The following CAMTA1 variants were observed in gnomAD, a reference collection of about 807,000 sequenced individuals.
The protein encoded by CAMTA1 is calmodulin-binding transcription activator 1.
A neutral mutation model predicts 170.9 loss-of-function variants in CAMTA1; 27 were observed. The observed-to-expected ratio is 0.16, with a 90% CI of 0.12 to 0.22. The LOEUF (loss-of-function observed/expected upper bound fraction) is 0.22. CAMTA1 is among the 10% of genes least tolerant of loss of function. CAMTA1 has a pLI of 1.00. For missense variants in CAMTA1, 1,619 were observed against 2,217.2 expected (o/e 0.73, Z 5.42); for synonymous variants, 833 against 891.5 (o/e 0.93, Z 1.17).
chr1:7,240,252 C>G (rs1426583269), intron 4 of CAMTA1, among the ~76,000 whole-genome samples: 3 of 152,068 alleles, frequency 2.0e-5, no homozygotes, highest in Non-Finnish European at 4.4e-5. Flanking sequence ...TCTTTCTCCT[C>G]CTATTTGGTA....
chr1:7,566,418 C>G (rs2095043070), intron 6 of CAMTA1, among the ~76,000 whole-genome samples: 2 of 152,208 alleles, frequency 1.3e-5, no homozygotes, highest in South Asian at 4.1e-4. Flanking sequence ...ATTAAGCACC[C>G]ACCGAGTTGC....
At chr1:7,258,610 G>A (rs1667744047) in intron 5 of CAMTA1, among the ~76,000 whole-genome samples, 1 of 152,208 alleles carries the variant, frequency 6.6e-6, no homozygotes, top group Non-Finnish European at 1.5e-5. Flanking sequence ...AACCGGGCAG[G>A]CATTGGAAGA....
intron 5 of CAMTA1, among the ~76,000 whole-genome samples, chr1:7,453,642 A>C (rs2149473113): frequency 6.6e-6 from 1 of 152,374 alleles, no homozygotes; most frequent in Non-Finnish European, 1.5e-5. Context: ...GGCAGATGGC[A>C]CAAAGGTGGT....
intron 18 of CAMTA1, 64 bp from the exon 19 acceptor site, chr1:7,747,645 TA>T: frequency 1.7e-6 from 2 of 1,166,536 alleles, no homozygotes; most frequent in Non-Finnish European, 2.5e-6. Flanking sequence ...TGAGTAGTAA[TA>T]AAAAGCTGAC....
chr1:7,528,425 G>GT lies in CAMTA1; in HGVS notation c.510+60530dup, dbSNP rs771509677. Reference sequence around the variant, plus strand: ...AAAGTTAACCACAGCTAATATTTTGGTTTTTTAAAAAAAAAAAATCTTTCT... The same window carrying GT: ...AAAGTTAACCACAGCTAATATTTTGGTTTTTTTAAAAAAAAAAAATCTTTCT... On this transcript the variant is annotated intron_variant, in intron 6 of 22. Transcript: ENST00000303635. Among the ~76,000 whole-genome samples the GT allele has an allele frequency of 2.3e-3, 354 of 151,520 alleles. 1 individual carries two copies. Among genetic ancestry groups the GT allele is most frequent in the Non-Finnish European group, 3.9e-3 (267 of 67,842 alleles).
intron 5 of CAMTA1, among the ~76,000 whole-genome samples, chr1:7,418,635 C>T (rs559688900): frequency 3.3e-5 from 5 of 152,336 alleles, no homozygotes; most frequent in Admixed American, 2.6e-4. Flanking sequence ...GTCCACTCCA[C>T]ATCGCCACTT....
intron 3 of CAMTA1, among the ~76,000 whole-genome samples, chr1:7,017,537 C>T (rs150011847): frequency 8.1e-4 from 123 of 152,314 alleles, no homozygotes; most frequent in African/African-American, 2.9e-3. Flanking sequence ...AAACTTGAGG[C>T]TTTAAGTGTT....
intron 3 of CAMTA1, among the ~76,000 whole-genome samples, chr1:6,847,707 CTTT>C (rs550554663): frequency 7.2e-6 from 1 of 138,054 alleles, no homozygotes; most frequent in Non-Finnish European, 1.6e-5. Flanking sequence ...CCCCAGCTAA[CTTT>C]TTTTTTTTTT....
At chr1:6,990,100 T>C (rs1217275717) in intron 3 of CAMTA1, among the ~76,000 whole-genome samples, 1 of 152,202 alleles carries the variant, frequency 6.6e-6, no homozygotes, top group Non-Finnish European at 1.5e-5. Flanking sequence ...AATCTTTTGC[T>C]CAGCACTTTC....
intron 1 of CAMTA1, among the ~76,000 whole-genome samples, chr1:6,796,514 G>T (rs1430936094): frequency 6.6e-6 from 1 of 152,140 alleles, no homozygotes; most frequent in African/African-American, 2.4e-5. Flanking sequence ...TAGGCCTAGA[G>T]ATTAAATGAT....
chr1:6,881,960 C>G (rs895563550), intron 3 of CAMTA1, among the ~76,000 whole-genome samples: 15 of 152,074 alleles, frequency 9.9e-5, no homozygotes, highest in African/African-American at 3.4e-4. Flanking sequence ...GTGTGAGACT[C>G]TGTCTCAAAA....
chr1:7,175,851 G>A (rs1233079603), intron 4 of CAMTA1, among the ~76,000 whole-genome samples: 1 of 152,260 alleles, frequency 6.6e-6, no homozygotes, highest in Non-Finnish European at 1.5e-5. Flanking sequence ...CTGAAGCCAT[G>A]TGGGTTTCAG....
In CAMTA1 at chr1:7,618,977, C is replaced by T. The variant is rs181304700; in HGVS notation, c.511-21423C>T. On this transcript the variant is annotated intron_variant, in intron 6 of 22. Coordinates refer to ENST00000303635, the MANE Select transcript of CAMTA1 (RefSeq NM_015215.4). ...GGAAGGGAAATAAGGGATTTATTCACATTTGACCAAAAAATTTGCATCTCA... is the reference window on the plus strand; with the variant it reads ...GGAAGGGAAATAAGGGATTTATTCATATTTGACCAAAAAATTTGCATCTCA... Among the ~76,000 whole-genome samples, 4 of 152,198 alleles carry T rather than the reference C, an allele frequency of 2.6e-5. No homozygotes were observed. In the East Asian group the frequency reaches 7.7e-4, roughly 29 times the overall value.
At chr1:7,225,994 G>A (rs1574024853) in intron 4 of CAMTA1, among the ~76,000 whole-genome samples, 1 of 152,172 alleles carries the variant, frequency 6.6e-6, no homozygotes, top group East Asian at 1.9e-4. Context: ...GGATGGCCTG[G>A]CGTGTTCAGC....
intron 22 of CAMTA1, among the ~76,000 whole-genome samples, chr1:7,758,233 G>A (rs760560609): frequency 4.6e-5 from 7 of 152,148 alleles, no homozygotes; most frequent in Admixed American, 2.0e-4. Context: ...GTTAATGACC[G>A]TTTTTAAGAG....
Position 7,207,849 on chromosome 1 carries a change from G to A in CAMTA1, c.303-41642G>A, listed in dbSNP as rs753694375. Reference sequence around the variant, plus strand: ...GTTTGGGGCCCTGCTACCTCTCCTGGGCATTTGAAAGCTAAGTGCCCACTC... The same window carrying A: ...GTTTGGGGCCCTGCTACCTCTCCTGAGCATTTGAAAGCTAAGTGCCCACTC... On this transcript the variant is annotated intron_variant, in intron 4 of 22. Transcript: ENST00000303635. Among the ~76,000 whole-genome samples, 53 of 152,100 alleles carry A rather than the reference G, an allele frequency of 3.5e-4. 1 individual carries two copies. Among genetic ancestry groups the A allele is most frequent in the Non-Finnish European group, 5.0e-4 (34 of 68,026 alleles).
chr1:6,874,612 C>T lies in CAMTA1; in HGVS notation c.234+49402C>T, dbSNP rs369873827. ...CCCTTATATGTTTAGAGAGAGGAAC[C>T]GAATAGTTTATGGTAATTAAGCTCC... On this transcript the variant is annotated intron_variant, in intron 3 of 22. Coordinates refer to ENST00000303635, the MANE Select transcript of CAMTA1 (RefSeq NM_015215.4). 6.6e-5 allele frequency among the ~76,000 whole-genome samples: 10 copies of T among 152,182 alleles called. No individual in the cohort carries two copies. In the South Asian group the frequency reaches 1.9e-3, roughly 28 times the overall value.
At position 7,249,864 on chromosome 1, in the gene CAMTA1, A is replaced by G. The variant is rs981276096; in HGVS notation, c.438+238A>G. 1.3e-5 allele frequency among the ~76,000 whole-genome samples: 2 copies of G among 152,200 alleles called. No homozygotes were observed. Among genetic ancestry groups the G allele is most frequent in the Non-Finnish European group, 2.9e-5 (2 of 68,044 alleles). ...CTCCTGTTTCTTGGGAGTCATTGCT[A>G]TATAGATGGGGATTTGCAAGTTTCC... On this transcript the variant is annotated intron_variant, in intron 5 of 22. Transcript: ENST00000303635. The surrounding 1 kb of genome is among the most constrained non-coding windows in gnomAD (Gnocchi z 4.4).
intron 10 of CAMTA1, among the ~76,000 whole-genome samples, chr1:7,677,369 G>C (rs375447291): frequency 1.3e-5 from 2 of 152,310 alleles, no homozygotes; most frequent in African/African-American, 4.8e-5. Context: ...GGGCAGTTAC[G>C]TACCTGGGAG....
Sources: gnomAD v4.1 joint callset for allele counts (sites outside exome capture counted in the v4.1 genomes callset) on GRCh38, gnomAD v4.1.1 for gene constraint, Gnocchi (gnomAD v3.1) non-coding constraint, MANE v1.5 for transcripts, NCBI Gene and HGNC (gene_info 2026-07-23, HGNC 2026-07-21) for gene names.